Variants in KIAA0753 observed in about 807,000 individuals in gnomAD.
KIAA0753 encodes protein moonraker.
Under a neutral mutation model 116.9 loss-of-function variants are expected in KIAA0753, and 114 were observed. The ratio of observed to expected loss-of-function variants is 0.98; its 90% CI spans 0.84 to 1.14. The LOEUF is 1.14. KIAA0753 is among the 50% of genes most tolerant of loss of function. The pLI is 0.00. For missense variants in KIAA0753, 1,156 were observed against 1,172.4 expected, an observed-to-expected ratio of 0.99 and a Z score of 0.20; for synonymous variants, 405 against 413.1, an observed-to-expected ratio of 0.98 and a Z score of 0.24.
intron 16 of KIAA0753, among the ~76,000 whole-genome samples, chr17:6,594,140 T>C (rs1483251719): frequency 2.0e-5 from 3 of 152,182 alleles, no homozygotes; most frequent in East Asian, 1.9e-4. Flanking sequence ...CACATGAATA[T>C]ATTCATAGCA....
In KIAA0753 at chr17:6,593,118, A is replaced by G. The variant is rs1969193399; in HGVS notation, c.2440+1854T>C. On this transcript the variant is annotated intron_variant, in intron 16 of 18. Transcript: ENST00000361413. ...AAAACAAACAAAAACATGTATCTGG[A>G]AAAGAACTTGTACTCAGAATACATA... is the stretch of plus-strand genomic sequence containing the variant. Among the ~76,000 whole-genome samples the G allele has an allele frequency of 2.0e-5, 3 of 152,272 alleles. No homozygotes were observed. In the South Asian group the frequency reaches 6.2e-4, roughly 31 times the overall value.
intron 16 of KIAA0753, among the ~76,000 whole-genome samples, chr17:6,592,964 G>A (rs1969182280): frequency 6.6e-6 from 1 of 152,118 alleles, no homozygotes; most frequent in African/African-American, 2.4e-5. Flanking sequence ...AGAATGGGGA[G>A]TGAGGAAAAT....
rs185659557 is a variant in KIAA0753, at chr17:6,591,389, C to T, written c.2441-759G>A. Among the ~76,000 whole-genome samples the T allele has an allele frequency of 4.4e-3, 665 of 152,302 alleles. 3 individuals carry two copies. Among genetic ancestry groups the T allele is most frequent in the Non-Finnish European group, 6.9e-3 (467 of 68,016 alleles). On this transcript the variant is annotated intron_variant, in intron 16 of 18. Coordinates refer to ENST00000361413, the MANE Select transcript of KIAA0753 (RefSeq NM_014804.3). ...CAGACAGAAGTACGATATAAGTCAG[C>T]TTTTGTAAAACTATTACTGAGAGTG...
At chr17:6,598,930 C>G (rs1267179572) in intron 14 of KIAA0753, among the ~76,000 whole-genome samples, 2 of 152,224 alleles carry the variant, frequency 1.3e-5, no homozygotes, top group Non-Finnish European at 2.9e-5. Flanking sequence ...GGCAGCCATT[C>G]TTCTGCCGCA....
chr17:6,603,266 G>A (rs1969989556), intron 12 of KIAA0753, among the ~76,000 whole-genome samples: 2 of 150,854 alleles, frequency 1.3e-5, no homozygotes, highest in Non-Finnish European at 3.0e-5. Context: ...AGAAAACAGA[G>A]ACAAGAAAAA....
At chr17:6,584,881 A>T (rs1049911626) in intron 18 of KIAA0753, among the ~76,000 whole-genome samples, 5 of 152,194 alleles carry the variant, frequency 3.3e-5, no homozygotes, top group African/African-American at 1.2e-4. Flanking sequence ...AGCTCACTGC[A>T]GCCTTGATTT....
At chr17:6,631,118 G>A (rs145388004) in intron 2 of KIAA0753, among the ~76,000 whole-genome samples, 1 of 151,988 alleles carries the variant, frequency 6.6e-6, no homozygotes, top group African/African-American at 2.4e-5. Context: ...GGAGGAAGAG[G>A]GAAAGGAAGG....
intron 7 of KIAA0753, among the ~76,000 whole-genome samples, chr17:6,617,920 T>G (rs574604699): frequency 6.6e-6 from 1 of 152,138 alleles, no homozygotes; most frequent in Non-Finnish European, 1.5e-5. Context: ...CTGACCAACA[T>G]GGAGAAACCC....
intron 12 of KIAA0753, among the ~76,000 whole-genome samples, chr17:6,604,266 G>C (rs1387372546): frequency 6.7e-6 from 1 of 149,118 alleles, no homozygotes; most frequent in Admixed American, 6.7e-5. Context: ...TTTTGAGACA[G>C]GGTCTTGCTC....
intron 8 of KIAA0753, among the ~76,000 whole-genome samples, 169 bp from the exon 9 acceptor site, chr17:6,610,329 T>G (rs1252411044): frequency 1.0e-5 from 1 of 97,760 alleles, no homozygotes; most frequent in African/African-American, 5.0e-5. Flanking sequence ...TAAATTTCAT[T>G]GAAACAACCA....
chr17:6,595,133 G>A (rs1969374386), intron 15 of KIAA0753, 80 bp from the exon 16 acceptor site: 3 of 993,650 alleles, frequency 3.0e-6, no homozygotes, highest in Admixed American at 4.2e-5. Flanking sequence ...AGATGTAAAA[G>A]TTCAGCAGAC....
chr17:6,609,345 T>A (rs1315184179), intron 9 of KIAA0753, among the ~76,000 whole-genome samples: 2 of 152,182 alleles, frequency 1.3e-5, no homozygotes, highest in Admixed American at 1.3e-4. Flanking sequence ...GCAAACGAGC[T>A]CCCCTTTATC....
At chr17:6,607,003 G>T in intron 11 of KIAA0753, 41 bp from the exon 12 acceptor site, 1 of 1,579,242 alleles carries the variant, frequency 6.3e-7, no homozygotes, top group Non-Finnish European at 8.7e-7. Flanking sequence ...TCTCCTCAAG[G>T]CAGAGTCAGG....
rs534603846 is a variant in KIAA0753, at chr17:6,628,377, G to A, written c.458C>T (p.Ala153Val). The change falls in exon 3 of 19, where the codon GCA becomes GTA. Residue 153 changes from alanine (A) to valine (V), a missense_variant. Ala to Val is a moderately conservative substitution (Grantham distance 64). Transcript: ENST00000361413. ...TGGCTGGTGGCTACACTGACAGGCTGCTTGACTCTTTGATTCCTTCCTTTC... is the reference window on the plus strand; with the variant it reads ...TGGCTGGTGGCTACACTGACAGGCTACTTGACTCTTTGATTCCTTCCTTTC... ...RVERKESKSQ[A>V]ACQCSHQPSK... is the part of the protein sequence containing the mutation. 5 of 1,614,200 alleles carry A rather than the reference G, an allele frequency of 3.1e-6. No individual in the cohort carries two copies. In the South Asian group the frequency reaches 5.5e-5, roughly 18 times the overall value.
chr17:6,635,564 G>C (rs1302717299), intron 1 of KIAA0753: 1 of 153,490 alleles, frequency 6.5e-6, no homozygotes, highest in East Asian at 1.9e-4. Flanking sequence ...CTTAATACTA[G>C]TCAGAAAGCA....
intron 18 of KIAA0753, among the ~76,000 whole-genome samples, chr17:6,585,107 A>G (rs1226056705): frequency 6.6e-6 from 1 of 151,544 alleles, no homozygotes; most frequent in Non-Finnish European, 1.5e-5. Context: ...AAATGTTTCT[A>G]TTCTATCTGC....
At chr17:6,585,303 C>T (rs766220533) in intron 18 of KIAA0753, among the ~76,000 whole-genome samples, 36 of 152,134 alleles carry the variant, frequency 2.4e-4, no homozygotes, top group Non-Finnish European at 4.7e-4. Context: ...TATTGAGATG[C>T]TCAAATTTCC....
chr17:6,594,683 A>G (rs1028263870), intron 16 of KIAA0753, among the ~76,000 whole-genome samples: 1 of 152,268 alleles, frequency 6.6e-6, no homozygotes, highest in Admixed American at 6.5e-5. Context: ...TGTAAATTTT[A>G]TCTTGAAAAA....
intron 6 of KIAA0753, 114 bp downstream of exon 6, chr17:6,622,761 AAAGCTTT>A (rs1971411298): frequency 4.8e-6 from 4 of 832,290 alleles, no homozygotes; most frequent in Non-Finnish European, 7.9e-6. Context: ...TGCCCTCTGC[AAAGCTTT>A]AATTCACTAG....
Sources: allele counts gnomAD v4.1 joint callset (sites outside exome capture counted in the v4.1 genomes callset), GRCh38; gene constraint gnomAD v4.1.1; transcripts MANE v1.5; gene names NCBI Gene and HGNC (gene_info 2026-07-23, HGNC 2026-07-21).